Variants in SLC14A2 observed in about 807,000 individuals in gnomAD.
SLC14A2 encodes the protein urea transporter 2.
In SLC14A2, 91 loss-of-function variants were observed where a neutral mutation model predicts 104.6. The ratio of observed to expected loss-of-function variants is 0.87; its 90% confidence interval spans 0.73 to 1.04. The LOEUF is 1.04. Among genes scored for constraint, SLC14A2 ranks in the 50% least tolerant of loss-of-function variants. The pLI, the probability that SLC14A2 is intolerant of heterozygous loss-of-function variation, is 0.00. For synonymous variants in SLC14A2, 476 were observed against 466.4 expected (o/e 1.02, Z -0.27); for missense variants, 1,189 against 1,156.0 (o/e 1.03, Z -0.41).
chr18:45,182,015 A>G, the SLC14A2 span, among the ~76,000 whole-genome samples: 1 of 152,134 alleles, frequency 6.6e-6, no homozygotes, highest in Non-Finnish European at 1.5e-5. Flanking sequence ...TATATGATTT[A>G]TGGCCAAAAG....
In SLC14A2 at chr18:45,261,113, T is replaced by C. The variant is rs1180360858; in HGVS notation, c.-125+47922T>C. ...GTGCCATGTTGGTGTGCTGCACCCATTAACTCGTCATTTAACATTAGGTAT... is the reference window on the plus strand; with the variant it reads ...GTGCCATGTTGGTGTGCTGCACCCACTAACTCGTCATTTAACATTAGGTAT... On this transcript the variant is annotated intron_variant, in intron 1 of 20. Transcript: ENST00000586448. 2.0e-5 allele frequency among the ~76,000 whole-genome samples: 3 copies of C among 152,058 alleles called. No individual in the cohort carries two copies. In the East Asian group the frequency reaches 5.8e-4, roughly 29 times the overall value.
chr18:45,499,474 C>T (rs1394223216), intron 2 of SLC14A2, among the ~76,000 whole-genome samples: 1 of 152,180 alleles, frequency 6.6e-6, no homozygotes, highest in Non-Finnish European at 1.5e-5. Context: ...AGTTTTCACA[C>T]CTTAAAGGCT....
At chr18:45,431,212 A>G (rs1027883957) in intron 1 of SLC14A2, among the ~76,000 whole-genome samples, 1 of 152,144 alleles carries the variant, frequency 6.6e-6, no homozygotes, top group Non-Finnish European at 1.5e-5. Flanking sequence ...CTCTCTTCTC[A>G]AGGGATTTCT....
chr18:45,670,710 G>C (rs1285609910), intron 16 of SLC14A2, among the ~76,000 whole-genome samples: 2 of 152,174 alleles, frequency 1.3e-5, no homozygotes, highest in African/African-American at 2.4e-5. Context: ...ACCCCGGCTG[G>C]AGTGCAGTGA....
rs955213770 is a variant in SLC14A2, at chr18:45,632,477, T to C, written c.649T>C (p.Cys217Arg). The C allele has an allele frequency of 6.2e-7, 1 of 1,613,018 alleles. No homozygotes were observed. The highest frequency in any genetic ancestry group is 1.3e-5 in the African/African-American group (1 of 74,822). The change falls in exon 5 of 20, where the codon TGC becomes CGC. Residue 217 changes from cysteine (C) to arginine (R), a missense_variant and splice_region_variant. Transcript: ENST00000255226. ...LFPVTFTAMSCPVLSSALNSI... is the reference protein window; with the variant it reads ...LFPVTFTAMSRPVLSSALNSI... The stretch of plus-strand genomic sequence containing the variant: ...TCCTGTGACCTTCACAGCCATGTCC[T>C]GGTGAGGCACCTCATTTTTTCTGCT...
intron 1 of SLC14A2, among the ~76,000 whole-genome samples, chr18:45,304,297 T>C (rs1238510309): frequency 1.3e-5 from 2 of 152,228 alleles, no homozygotes; most frequent in Non-Finnish European, 2.9e-5. Flanking sequence ...TGTGAGACTA[T>C]TCCTTGTGGG....
chr18:45,644,978 C>T (rs1472865671), intron 10 of SLC14A2, among the ~76,000 whole-genome samples: 13 of 152,142 alleles, frequency 8.5e-5, no homozygotes, highest in Non-Finnish European at 1.8e-4. Context: ...TTAAGCCCCA[C>T]GTGCATTAGG....
chr18:45,471,099 C>T lies in SLC14A2; in HGVS notation c.-124-12134C>T, dbSNP rs1361519587. On this transcript the variant is annotated intron_variant, in intron 1 of 20. Coordinates refer to the SLC14A2 transcript ENST00000586448. ...GTTAAATTTCAGCCTCCAGTTTCTTCAAGATGAGATCAGATAAATGCATTT... is the reference window on the plus strand; with the variant it reads ...GTTAAATTTCAGCCTCCAGTTTCTTTAAGATGAGATCAGATAAATGCATTT... Among the ~76,000 whole-genome samples, 6 of 152,090 alleles carry T rather than the reference C, an allele frequency of 3.9e-5. No homozygotes were observed. The East Asian group carries it at 9.6e-4, about 24-fold the overall frequency.
At chr18:45,324,410 T>G (rs1156309522) in intron 1 of SLC14A2, among the ~76,000 whole-genome samples, 6 of 152,172 alleles carry the variant, frequency 3.9e-5, no homozygotes, top group Non-Finnish European at 7.4e-5. Flanking sequence ...AGTCCTTTTT[T>G]ATTCCTCCCC....
At chr18:45,609,324 C>G (rs1477752112) in intron 2 of SLC14A2, among the ~76,000 whole-genome samples, 1 of 151,624 alleles carries the variant, frequency 6.6e-6, no homozygotes, top group Admixed American at 6.6e-5. Flanking sequence ...CTAAAACTTC[C>G]CAATCCTTTC....
At chr18:45,488,332 C>A (rs10502864) in intron 2 of SLC14A2, among the ~76,000 whole-genome samples, 28,314 of 152,084 alleles carry the variant, frequency 0.19, 3,150 homozygotes, top group African/African-American at 0.31. Flanking sequence ...ATCCAGGGTT[C>A]TGCCCAAACA....
At chr18:45,666,288 C>T (rs1031955309) in intron 12 of SLC14A2, 69 bp downstream of exon 12, 1 of 1,041,844 alleles carries the variant, frequency 9.6e-7, no homozygotes, top group Admixed American at 1.8e-5. Flanking sequence ...GATGAGGGAG[C>T]TGAGAGCTGT....
chr18:45,329,437 A>G (rs1183401389), intron 1 of SLC14A2, among the ~76,000 whole-genome samples: 1 of 152,196 alleles, frequency 6.6e-6, no homozygotes, highest in African/African-American at 2.4e-5. Flanking sequence ...TTTGCAGACT[A>G]CAACACCCTC....
At chr18:45,323,532 A>G (rs1338257602) in intron 1 of SLC14A2, among the ~76,000 whole-genome samples, 1 of 152,108 alleles carries the variant, frequency 6.6e-6, no homozygotes. Context: ...CCTTCTTTTG[A>G]TTGTGTTTGC....
At chr18:45,197,954 C>A in the SLC14A2 span, among the ~76,000 whole-genome samples, 1 of 152,074 alleles carries the variant, frequency 6.6e-6, no homozygotes, top group Non-Finnish European at 1.5e-5. Context: ...TTTCAAAAGT[C>A]ATTTCTAAAG....
chr18:45,568,313 T>A (rs1281333857), intron 2 of SLC14A2, among the ~76,000 whole-genome samples: 1 of 152,214 alleles, frequency 6.6e-6, no homozygotes, highest in Non-Finnish European at 1.5e-5. Context: ...AGCCAGTGTG[T>A]CCCTACCTCA....
intron 1 of SLC14A2, among the ~76,000 whole-genome samples, chr18:45,442,406 C>A (rs372387279): frequency 6.6e-6 from 1 of 152,150 alleles, no homozygotes; most frequent in African/African-American, 2.4e-5. Flanking sequence ...CCATGTCTCT[C>A]CTCTTGCTTC....
At chr18:45,290,858 G>T (rs185090850) in intron 1 of SLC14A2, among the ~76,000 whole-genome samples, 1 of 152,260 alleles carries the variant, frequency 6.6e-6, no homozygotes, top group African/African-American at 2.4e-5. Context: ...ATAGAACACA[G>T]TGCTGCCTGA....
rs2852303 is a variant in SLC14A2 at position 45,558,876 on chromosome 18, C to T, written c.-34-65755C>T. Among the ~76,000 whole-genome samples the T allele has an allele frequency of 2.6e-3, 399 of 152,212 alleles. 6 individuals are homozygous for T. The highest frequency in any genetic ancestry group is 9.3e-3 in the African/African-American group (387 of 41,534). On this transcript the variant is annotated intron_variant, in intron 2 of 20. Transcript: ENST00000586448. ...CACGATCTCGGCTCACTGCAATCTC[C>T]GCCTCCTGGGTTCAATCGATTCCTC... is the stretch of plus-strand genomic sequence containing the variant.
Sources: allele counts gnomAD v4.1 joint callset (sites outside exome capture counted in the v4.1 genomes callset), GRCh38; gene constraint gnomAD v4.1.1; transcripts MANE v1.5; gene names NCBI Gene and HGNC (gene_info 2026-07-23, HGNC 2026-07-21).